CAPRIN1: variants seen among roughly 807,000 people sequenced by gnomAD.
CAPRIN1 encodes cell cycle associated protein 1.
Under a neutral mutation model 100.9 loss-of-function variants are expected in CAPRIN1, and 29 were observed. The observed-to-expected ratio is 0.29, with a 90% CI of 0.21 to 0.39. CAPRIN1 has a LOEUF of 0.39. Ranked by LOEUF, CAPRIN1 falls within the 10% of genes least tolerant of loss-of-function variation. CAPRIN1 has a pLI of 1.00. For synonymous variants in CAPRIN1, 338 were observed against 307.5 expected, an observed-to-expected ratio of 1.10 and a Z score of -1.04; for missense variants, 795 against 876.7, an observed-to-expected ratio of 0.91 and a Z score of 1.18.
intron 2 of CAPRIN1, among the ~76,000 whole-genome samples, chr11:34,066,275 C>T (rs1336359020): frequency 1.3e-5 from 2 of 152,106 alleles, no homozygotes; most frequent in Middle Eastern, 3.2e-3. Flanking sequence ...CAGGTGTGAG[C>T]CACTGTGCTC....
intron 4 of CAPRIN1, among the ~76,000 whole-genome samples, chr11:34,072,316 T>TAAA (rs59649247): frequency 2.7e-4 from 31 of 115,072 alleles, no homozygotes; most frequent in African/African-American, 9.2e-4. Context: ...ACCCCATCTC[T>TAAA]AAAAAAAAAA....
intron 14 of CAPRIN1, among the ~76,000 whole-genome samples, chr11:34,091,203 T>C (rs894059814): frequency 5.3e-5 from 8 of 152,204 alleles, no homozygotes; most frequent in African/African-American, 1.7e-4. Flanking sequence ...TTGATTAATA[T>C]GTTAATAAAA....
At position 34,071,758 on chromosome 11, in the gene CAPRIN1, C is replaced by T; in HGVS notation, c.249C>T (p.Asn83=). Residue 83 remains asparagine (N), a synonymous_variant, in exon 3 of 19, where the codon AAC becomes AAT. Coordinates refer to ENST00000341394, the MANE Select transcript of CAPRIN1 (RefSeq NM_005898.5). ...GKLDDYQERM[N]KGERLNQDQL... ...TTGATGATTACCAGGAACGAATGAACAAAGGGGAAAGGCTTAATCAAGATC... is the reference window on the plus strand; with the variant it reads ...TTGATGATTACCAGGAACGAATGAATAAAGGGGAAAGGCTTAATCAAGATC... 1 of 1,611,310 alleles carries T rather than the reference C, an allele frequency of 6.2e-7. No homozygotes were observed. The highest frequency in any genetic ancestry group is 8.5e-7 in the Non-Finnish European group (1 of 1,178,122).
chr11:34,093,195 T>C (rs565850571), intron 15 of CAPRIN1, among the ~76,000 whole-genome samples: 2 of 28,262 alleles, frequency 7.1e-5, no homozygotes, highest in Non-Finnish European at 1.7e-4. Context: ...GATTTTTTTT[T>C]ATATATATAT....
chr11:34,052,524 C>T lies in CAPRIN1; in HGVS notation c.104C>T (p.Ala35Val). 1 of 1,604,868 alleles carries T rather than the reference C, an allele frequency of 6.2e-7. No homozygotes were observed. The highest frequency in any genetic ancestry group is 8.5e-7 in the Non-Finnish European group (1 of 1,176,440). ...GSEAAAGAGA[A>V]APASQHPATG... Reference sequence around the variant, plus strand: ...GAGGCGGCCGCGGGAGCCGGGGCCGCCGCGCCGGCTTCTCAGCACCCCGCA... The same window carrying T: ...GAGGCGGCCGCGGGAGCCGGGGCCGTCGCGCCGGCTTCTCAGCACCCCGCA... The change falls in exon 2 of 19, where the codon GCC (alanine) becomes GTC (valine). Residue 35 changes from alanine to valine, a missense_variant. By Grantham distance (64) the Ala-to-Val change is moderately conservative (BLOSUM62 0). Transcript: ENST00000341394.
chr11:34,084,668 G>C (rs1851103735), intron 9 of CAPRIN1, among the ~76,000 whole-genome samples: 1 of 152,140 alleles, frequency 6.6e-6, no homozygotes, highest in African/African-American at 2.4e-5. Flanking sequence ...TCAAATGTCA[G>C]CTGTATATAT....
intron 18 of CAPRIN1, 73 bp downstream of exon 18, chr11:34,097,834 T>G: frequency 6.2e-7 from 1 of 1,611,188 alleles, no homozygotes; most frequent in Non-Finnish European, 8.5e-7. Flanking sequence ...CTGTTAATAG[T>G]CTGCATGTTA....
chr11:34,073,611 A>T (rs1053912502), intron 4 of CAPRIN1, among the ~76,000 whole-genome samples: 6 of 152,020 alleles, frequency 3.9e-5, no homozygotes, highest in African/African-American at 1.4e-4. Context: ...TTTAGTAGGG[A>T]TGGGGTTTCA....
intron 18 of CAPRIN1, chr11:34,098,323 C>T (rs1851401379): frequency 1.0e-6 from 1 of 984,262 alleles, no homozygotes; most frequent in African/African-American, 1.8e-5. Flanking sequence ...AACAAAACTC[C>T]CAAATTCCTA....
intron 4 of CAPRIN1, among the ~76,000 whole-genome samples, chr11:34,073,610 G>A (rs1352683320): frequency 6.6e-6 from 1 of 152,044 alleles, no homozygotes; most frequent in Admixed American, 6.6e-5. Context: ...TTTTAGTAGG[G>A]ATGGGGTTTC....
chr11:34,096,261 A>G (rs1262036663), intron 15 of CAPRIN1: 2 of 438,826 alleles, frequency 4.6e-6, no homozygotes, highest in African/African-American at 4.1e-5. Context: ...AAAGGTTTGG[A>G]ATTGTGGTTG....
chr11:34,099,554 A>C lies in CAPRIN1; in HGVS notation c.*187A>C. ...TATTACCTGGATATGGAAGGAAACTATTTTTACTCTGCATGTTCTGTCCTA... is the reference window on the plus strand; with the variant it reads ...TATTACCTGGATATGGAAGGAAACTCTTTTTACTCTGCATGTTCTGTCCTA... On this transcript the variant is annotated 3_prime_UTR_variant, in exon 19 of 19. Transcript: ENST00000341394. The C allele has an allele frequency of 3.3e-6, 2 of 607,732 alleles. No individual in the cohort carries two copies. The highest frequency in any genetic ancestry group is 5.9e-6 in the Non-Finnish European group (2 of 339,816). 37.6% of individuals were successfully genotyped at this position (607,732 alleles called of 1,614,324 possible). A position where few individuals can be genotyped will look rare whatever the true frequency, so the allele number is the denominator to read the frequency against.
At chr11:34,099,091 C>G in intron 18 of CAPRIN1, 1 of 1,420,130 alleles carries the variant, frequency 7.0e-7, no homozygotes. Context: ...ACTCCATTAG[C>G]TTTACTCTTC....
At chr11:34,096,335 GTA>G in intron 15 of CAPRIN1, 142 bp from the exon 16 acceptor site, 1 of 584,078 alleles carries the variant, frequency 1.7e-6, no homozygotes, top group South Asian at 2.3e-5. Flanking sequence ...TTATTCATGT[GTA>G]GTTTTTCTTA....
intron 2 of CAPRIN1, among the ~76,000 whole-genome samples, chr11:34,067,584 T>G (rs1401855739): frequency 6.6e-6 from 1 of 151,960 alleles, no homozygotes; most frequent in Non-Finnish European, 1.5e-5. Flanking sequence ...TTCCGACTTG[T>G]GGTCTCGTGA....
At chr11:34,056,525 A>G (rs1283270838) in intron 2 of CAPRIN1, 1 of 152,212 alleles carries the variant, frequency 6.6e-6, no homozygotes, top group Non-Finnish European at 1.5e-5. Context: ...AAGAGAAGAA[A>G]TACAGCTGTG....
intron 11 of CAPRIN1, among the ~76,000 whole-genome samples, chr11:34,088,029 C>T (rs765020160): frequency 2.6e-5 from 4 of 152,142 alleles, no homozygotes; most frequent in Admixed American, 6.5e-5. Context: ...GACGCAGTCT[C>T]GCTCTATCGC....
At chr11:34,064,281 T>G (rs1349136771) in intron 2 of CAPRIN1, among the ~76,000 whole-genome samples, 1 of 152,190 alleles carries the variant, frequency 6.6e-6, no homozygotes, top group Non-Finnish European at 1.5e-5. Context: ...TAATGTTGGA[T>G]CTGTCAATGT....
At chr11:34,080,651 G>A (rs1851009706) in intron 7 of CAPRIN1, among the ~76,000 whole-genome samples, 1 of 152,188 alleles carries the variant, frequency 6.6e-6, no homozygotes, top group African/African-American at 2.4e-5. Flanking sequence ...GTAAAATTCT[G>A]AATACAAGGA....
Sources: allele counts gnomAD v4.1 joint callset (sites outside exome capture counted in the v4.1 genomes callset), GRCh38; gene constraint gnomAD v4.1.1; transcripts MANE v1.5; gene names NCBI Gene and HGNC (gene_info 2026-07-23, HGNC 2026-07-21).